The following CLPTM1 variants were observed in gnomAD, a reference collection of about 807,000 sequenced individuals.
The protein encoded by CLPTM1 is putative lipid scramblase CLPTM1.
Under a neutral mutation model 77.3 loss-of-function variants are expected in CLPTM1, and 21 were observed. The observed-to-expected ratio is 0.27, with a 90% CI of 0.19 to 0.39. The LOEUF is 0.39. Among genes scored for constraint, CLPTM1 ranks in the 10% least tolerant of loss-of-function variants. The pLI is 1.00. For missense variants in CLPTM1, 642 were observed against 921.2 expected (o/e 0.70, Z 3.92); for synonymous variants, 373 against 381.0 (o/e 0.98, Z 0.24).
chr19:44,970,916 CTT>C (rs1970707886), intron 2 of CLPTM1, among the ~76,000 whole-genome samples: 1 of 145,154 alleles, frequency 6.9e-6, no homozygotes, highest in Non-Finnish European at 1.5e-5. Flanking sequence ...CTGCAACCTC[CTT>C]CTCCTGGGTT....
rs1441190085 is a variant in CLPTM1, at chr19:44,974,332, A to G, written c.310-107A>G. On this transcript the variant is annotated intron_variant, in intron 3 of 13. Coordinates refer to ENST00000337392, the MANE Select transcript of CLPTM1 (RefSeq NM_001294.4). ...TCCTCTCTCCTCTCCCCTGTCCTCC[A>G]TAATTACTGTTCCCCTGAGTGTGCT... 5.3e-6 allele frequency: 6 copies of G among 1,127,568 alleles called. No individual in the cohort carries two copies. The East Asian group carries it at 7.2e-5, about 13-fold the overall frequency. 69.8% of individuals were successfully genotyped at this position (1,127,568 alleles called of 1,614,324 possible). A position where few individuals can be genotyped will look rare whatever the true frequency, so the allele number is the denominator to read the frequency against.
chr19:44,954,892 C>T (rs1970432290), upstream of CLPTM1: 20 of 1,321,164 alleles, frequency 1.5e-5, no homozygotes, highest in Non-Finnish European at 2.0e-5. Context: ...GGTCAGAAGA[C>T]AAGGGTGCTG....
chr19:44,987,801 T>G, intron 8 of CLPTM1: 1 of 569,872 alleles, frequency 1.8e-6, no homozygotes, highest in Non-Finnish European at 3.1e-6. Context: ...CTGTCGTCAC[T>G]GTTGGGTCTC....
chr19:44,991,447 A>G lies in CLPTM1; in HGVS notation c.1555+74A>G. On this transcript the variant is annotated intron_variant, in intron 12 of 13. Coordinates refer to ENST00000337392, the MANE Select transcript of CLPTM1 (RefSeq NM_001294.4). This position sits in a 1 kb window ranked among gnomAD's most constrained non-coding sequence, Gnocchi z 5.4. ...GGCTCACAGCCCCAGTGTAGGAGAC[A>G]GACCCATCCCCAGACAGGGACAACC... 1.9e-6 allele frequency: 3 copies of G among 1,557,852 alleles called. No homozygotes were observed. The highest frequency in any genetic ancestry group is 2.6e-6 in the Non-Finnish European group (3 of 1,147,846).
At chr19:44,987,052 C>A in intron 7 of CLPTM1, 127 bp from the exon 8 acceptor site, 1 of 1,278,394 alleles carries the variant, frequency 7.8e-7, no homozygotes, top group South Asian at 1.4e-5. Context: ...ATGGTGTGGC[C>A]TAGAAATGTC....
chr19:44,976,997 C>CTTA (rs959950803), intron 4 of CLPTM1, among the ~76,000 whole-genome samples: 2 of 152,134 alleles, frequency 1.3e-5, no homozygotes, highest in African/African-American at 4.8e-5. Flanking sequence ...GTTGAGTGAG[C>CTTA]TTAACGAGAG....
chr19:44,963,032 AT>A (rs1412077284), intron 2 of CLPTM1, among the ~76,000 whole-genome samples: 5 of 138,990 alleles, frequency 3.6e-5, no homozygotes. Flanking sequence ...CTCAAAAAAA[AT>A]AAAAAATACA....
At chr19:44,956,149 C>T (rs942335027) in intron 1 of CLPTM1, among the ~76,000 whole-genome samples, 3 of 152,178 alleles carry the variant, frequency 2.0e-5, no homozygotes, top group African/African-American at 4.8e-5. Context: ...AGCTACCGTT[C>T]AGGCATTTGG....
At chr19:44,981,298 C>T (rs913857919) in intron 5 of CLPTM1, among the ~76,000 whole-genome samples, 12 of 152,120 alleles carry the variant, frequency 7.9e-5, no homozygotes, top group Non-Finnish European at 1.3e-4. Flanking sequence ...TGTGTCACCA[C>T]GCCCAGCTAA....
chr19:44,961,346 G>T (rs994522397), intron 1 of CLPTM1, among the ~76,000 whole-genome samples: 2 of 152,192 alleles, frequency 1.3e-5, no homozygotes, highest in Admixed American at 1.3e-4. Flanking sequence ...CTCAGGAATG[G>T]TTTGCCCAGG....
intron 1 of CLPTM1, among the ~76,000 whole-genome samples, chr19:44,959,559 G>C (rs560832889): frequency 1.3e-5 from 2 of 152,124 alleles, no homozygotes; most frequent in Non-Finnish European, 2.9e-5. Context: ...TTGCTGTGTT[G>C]CCCAGGCTGG....
chr19:44,989,160 T>C (rs1971029496), intron 9 of CLPTM1, among the ~76,000 whole-genome samples: 1 of 152,068 alleles, frequency 6.6e-6, no homozygotes, highest in Non-Finnish European at 1.5e-5. Flanking sequence ...AGTGACACCC[T>C]GTTCCAAAAA....
intron 2 of CLPTM1, among the ~76,000 whole-genome samples, chr19:44,965,968 A>G (rs902887616): frequency 1.3e-5 from 2 of 152,258 alleles, no homozygotes; most frequent in Non-Finnish European, 2.9e-5. Context: ...TTACTGAGGA[A>G]GAAGAGGAGA....
intron 9 of CLPTM1, among the ~76,000 whole-genome samples, chr19:44,989,686 C>T (rs1568390044): frequency 2.0e-5 from 3 of 152,186 alleles, no homozygotes; most frequent in Non-Finnish European, 4.4e-5. Context: ...GCAGACCTGG[C>T]TCCACCACTG....
At chr19:44,955,361 G>T (rs540563047), upstream of CLPTM1, 589 of 1,341,660 alleles carry the variant, frequency 4.4e-4, no homozygotes, top group South Asian at 5.0e-4. Context: ...GACGGGGCGG[G>T]GCTGGCGGCG....
chr19:44,971,094 G>T (rs1264931490), intron 2 of CLPTM1, among the ~76,000 whole-genome samples: 2 of 151,846 alleles, frequency 1.3e-5, no homozygotes, highest in African/African-American at 2.4e-5. Flanking sequence ...GCCTCCCAAA[G>T]TGCTGGGATT....
chr19:44,962,204 T>C (rs1970555718), intron 2 of CLPTM1, 129 bp downstream of exon 2: 2 of 452,956 alleles, frequency 4.4e-6, no homozygotes, highest in Non-Finnish European at 7.7e-6. Context: ...TTTTCTTTTT[T>C]TTTTTGTATG....
At chr19:44,967,809 A>G (rs1970657952) in intron 2 of CLPTM1, among the ~76,000 whole-genome samples, 1 of 152,168 alleles carries the variant, frequency 6.6e-6, no homozygotes, top group Non-Finnish European at 1.5e-5. Flanking sequence ...TTAAGTTGCA[A>G]AACTGACATG....
Position 44,990,330 on chromosome 19 carries a change from G to A in CLPTM1, c.1133-65G>A. On this transcript the variant is annotated intron_variant, in intron 9 of 13. Transcript: ENST00000337392. This position sits in a 1 kb window ranked among gnomAD's most constrained non-coding sequence, Gnocchi z 4.8. ...GAGGATGCAGGCCAAGGGGGCCTGA[G>A]GGAGCTGCAGTAGGGTCTCAGCACC... 6.5e-7 allele frequency: 1 copy of A among 1,543,360 alleles called. No individual in the cohort carries two copies. The highest frequency in any genetic ancestry group is 1.4e-5 in the African/African-American group (1 of 73,616).
Sources: gnomAD v4.1 joint callset for allele counts (sites outside exome capture counted in the v4.1 genomes callset) on GRCh38, gnomAD v4.1.1 for gene constraint, Gnocchi (gnomAD v3.1) non-coding constraint, MANE v1.5 for transcripts, NCBI Gene and HGNC (gene_info 2026-07-23, HGNC 2026-07-21) for gene names.